The following ADCY10 variants were observed in gnomAD, a reference collection of about 807,000 sequenced individuals.
ADCY10 encodes adenylate cyclase 10.
In ADCY10, 156 loss-of-function variants were observed where a neutral mutation model predicts 183.3. The observed-to-expected ratio is 0.85, with a 90% CI of 0.75 to 0.97. The LOEUF (loss-of-function observed/expected upper bound fraction) is 0.97. Among genes scored for constraint, ADCY10 ranks in the 50% least tolerant of loss-of-function variants. The pLI, the probability that ADCY10 is intolerant of heterozygous loss-of-function variation, is 0.00. For missense variants in ADCY10, 1,745 were observed against 1,934.3 expected (o/e 0.90, Z 1.84); for synonymous variants, 645 against 670.0 (o/e 0.96, Z 0.58).
rs556458679 is a variant in ADCY10 at position 167,877,326 on chromosome 1, C to A, written c.1406+1120G>T. Among the ~76,000 whole-genome samples the A allele has an allele frequency of 1.1e-4, 16 of 151,328 alleles. No individual in the cohort carries two copies. The South Asian group carries it at 2.9e-3, about 28-fold the overall frequency. On this transcript the variant is annotated intron_variant, in intron 12 of 32. Transcript: ENST00000367851. Reference sequence around the variant, plus strand: ...TAAGTACTCACTAAAAATTATTATTCATTCATGTATTCAAACTGCACTTTA... The same window carrying A: ...TAAGTACTCACTAAAAATTATTATTAATTCATGTATTCAAACTGCACTTTA...
intron 14 of ADCY10, among the ~76,000 whole-genome samples, chr1:167,869,450 A>G (rs549259437): frequency 7.9e-5 from 12 of 152,160 alleles, no homozygotes; most frequent in Non-Finnish European, 1.5e-4. Flanking sequence ...AGACCCTCTC[A>G]TATTGTTTTA....
At chr1:167,872,797 C>T (rs1019040696) in intron 13 of ADCY10, among the ~76,000 whole-genome samples, 2 of 149,748 alleles carry the variant, frequency 1.3e-5, no homozygotes, top group African/African-American at 2.5e-5. Flanking sequence ...ATAGGCTGCA[C>T]GCAGTGGCTC....
At position 167,868,082 on chromosome 1, in the gene ADCY10, C is replaced by T. The variant is rs142095919; in HGVS notation, c.1616+2175G>A. 3.5e-3 allele frequency among the ~76,000 whole-genome samples: 535 copies of T among 152,240 alleles called. 3 individuals carry two copies. The highest frequency in any genetic ancestry group is 0.012 in the African/African-American group (501 of 41,530). ...AAATACCTTAGTAAAAGAGGAGGTTCGTAAACTCTCTCCGGAACCAGTATT... is the reference window on the plus strand; with the variant it reads ...AAATACCTTAGTAAAAGAGGAGGTTTGTAAACTCTCTCCGGAACCAGTATT... On this transcript the variant is annotated intron_variant, in intron 14 of 32. Coordinates refer to ENST00000367851, the MANE Select transcript of ADCY10 (RefSeq NM_018417.6).
chr1:167,910,236 C>G (rs1478525270), intron 1 of ADCY10, among the ~76,000 whole-genome samples: 2 of 152,134 alleles, frequency 1.3e-5, no homozygotes, highest in Non-Finnish European at 2.9e-5. Flanking sequence ...AGATTAAGCA[C>G]CTTTTCATAT....
intron 21 of ADCY10, among the ~76,000 whole-genome samples, chr1:167,841,217 C>T (rs1180000007): frequency 6.6e-6 from 1 of 152,116 alleles, no homozygotes; most frequent in East Asian, 1.9e-4. Flanking sequence ...GCTGGGATTA[C>T]AGGTGAGCCA....
intron 16 of ADCY10, among the ~76,000 whole-genome samples, chr1:167,856,976 C>T (rs1338618108): frequency 6.6e-6 from 1 of 152,238 alleles, no homozygotes; most frequent in African/African-American, 2.4e-5. Context: ...AAACAGATCA[C>T]AGGTCCCTTT....
chr1:167,859,517 T>C (rs1261778139), intron 16 of ADCY10, among the ~76,000 whole-genome samples: 1 of 152,194 alleles, frequency 6.6e-6, no homozygotes, highest in Non-Finnish European at 1.5e-5. Flanking sequence ...AGCCTGCATA[T>C]GTAACCACTT....
At chr1:167,829,124 C>A (rs1427000285) in intron 26 of ADCY10, 143 bp downstream of exon 26, 4 of 901,404 alleles carry the variant, frequency 4.4e-6, no homozygotes, top group Non-Finnish European at 7.0e-6. Flanking sequence ...TGTTTGAGAA[C>A]TGCTGGCCTT....
chr1:167,813,543 A>AT (rs1256753411), intron 31 of ADCY10, among the ~76,000 whole-genome samples: 1 of 152,166 alleles, frequency 6.6e-6, no homozygotes, highest in Non-Finnish European at 1.5e-5. Context: ...GAAAGACAAG[A>AT]AATACCTAAA....
chr1:167,842,348 T>A (rs1251410523), intron 21 of ADCY10, among the ~76,000 whole-genome samples: 2 of 152,160 alleles, frequency 1.3e-5, no homozygotes, highest in Non-Finnish European at 2.9e-5. Context: ...AGTCTCAGTT[T>A]GTTGTCCAGG....
intron 2 of ADCY10, 91 bp from the exon 3 acceptor site, chr1:167,904,082 C>CATTT: frequency 2.8e-6 from 1 of 363,266 alleles, no homozygotes; most frequent in South Asian, 2.3e-5. Context: ...CGGGCCTCAG[C>CATTT]TTTTTTTTTT....
intron 29 of ADCY10, among the ~76,000 whole-genome samples, chr1:167,822,678 C>T (rs1416649697): frequency 6.6e-6 from 1 of 152,158 alleles, no homozygotes; most frequent in East Asian, 1.9e-4. Context: ...CTAAGTACAT[C>T]CTGCTAAAAG....
At chr1:167,831,843 C>A (rs1037388061) in intron 25 of ADCY10, among the ~76,000 whole-genome samples, 2 of 152,126 alleles carry the variant, frequency 1.3e-5, no homozygotes, top group Non-Finnish European at 2.9e-5. Flanking sequence ...CACTGTTTAT[C>A]TGAAATTCAA....
At chr1:167,850,551 G>T (rs957869921) in intron 18 of ADCY10, among the ~76,000 whole-genome samples, 3 of 152,082 alleles carry the variant, frequency 2.0e-5, no homozygotes, top group African/African-American at 7.2e-5. Context: ...GTCCCAGGAG[G>T]AGTAGACCCA....
chr1:167,821,875 A>C, intron 30 of ADCY10, 149 bp downstream of exon 30: 1 of 701,128 alleles, frequency 1.4e-6, no homozygotes, highest in African/African-American at 1.8e-5. Flanking sequence ...GTTGATCCCT[A>C]ACATGTCTCT....
chr1:167,857,686 T>A (rs1205021886), intron 16 of ADCY10, among the ~76,000 whole-genome samples: 1 of 152,242 alleles, frequency 6.6e-6, no homozygotes, highest in Non-Finnish European at 1.5e-5. Context: ...CTTTACATAA[T>A]TAACTCACTT....
At chr1:167,840,967 G>C (rs2101941985) in intron 21 of ADCY10, among the ~76,000 whole-genome samples, 1 of 147,118 alleles carries the variant, frequency 6.8e-6, no homozygotes, top group African/African-American at 2.5e-5. Context: ...TTGAGACAGG[G>C]CCTTGTTCTG....
chr1:167,912,013 C>T (rs1670175963), intron 1 of ADCY10, among the ~76,000 whole-genome samples: 1 of 152,166 alleles, frequency 6.6e-6, no homozygotes, highest in African/African-American at 2.4e-5. Context: ...TTCTTATGAA[C>T]ACCCATAAAA....
chr1:167,846,046 C>T lies in ADCY10; in HGVS notation c.2655G>A (p.Gln885=), dbSNP rs767093319. The T allele has an allele frequency of 1.2e-6, 2 of 1,614,208 alleles. No homozygotes were observed. The highest frequency in any genetic ancestry group is 1.1e-5 in the South Asian group (1 of 91,076). The part of the protein sequence containing the change: ...NGKELQKALK[Q]NDPSFEVHYR... Reference sequence around the variant, plus strand: ...AGTGCACCTCAAATGAGGGATCATTCTGTTTCAGGGCCTTTTGAAGCTCCT... The same window carrying T: ...AGTGCACCTCAAATGAGGGATCATTTTGTTTCAGGGCCTTTTGAAGCTCCT... Residue 885 remains glutamine (Q), a synonymous_variant, in exon 20 of 33, where the codon CAG becomes CAA. Transcript: ENST00000367851.
Sources: allele counts gnomAD v4.1 joint callset (sites outside exome capture counted in the v4.1 genomes callset), GRCh38; gene constraint gnomAD v4.1.1; transcripts MANE v1.5; gene names NCBI Gene and HGNC (gene_info 2026-07-23, HGNC 2026-07-21).